LPP: variants seen among roughly 807,000 people sequenced by gnomAD.
LPP encodes the protein LIM domain containing preferred translocation partner in lipoma, also known as lipoma-preferred partner.
A neutral mutation model predicts 60.4 loss-of-function variants in LPP; 38 were observed. The observed-to-expected ratio is 0.63, with a 90% confidence interval of 0.49 to 0.83. LPP has a LOEUF of 0.83. LPP is among the 40% of genes least tolerant of loss of function. The probability of loss-of-function intolerance (pLI) is 0.00; values close to 1 mark genes in which losing one functional copy is unlikely to be tolerated. For synonymous variants in LPP, 328 were observed against 290.8 expected, an observed-to-expected ratio of 1.13 and a Z score of -1.30; for missense variants, 902 against 783.6, an observed-to-expected ratio of 1.15 and a Z score of -1.80.
At chr3:188,302,541 G>C (rs532910292) in intron 2 of LPP, among the ~76,000 whole-genome samples, 40 of 152,268 alleles carry the variant, frequency 2.6e-4, no homozygotes, top group Non-Finnish European at 4.0e-4. Flanking sequence ...CTTTACTTTA[G>C]TATTTGACAG....
chr3:188,753,966 C>G (rs898309013), intron 8 of LPP, among the ~76,000 whole-genome samples: 1 of 152,280 alleles, frequency 6.6e-6, no homozygotes, highest in Admixed American at 6.5e-5. Context: ...ATGATAAAAA[C>G]TCTTGTATTC....
chr3:188,816,354 A>C (rs1402070862), intron 9 of LPP, among the ~76,000 whole-genome samples: 1 of 151,526 alleles, frequency 6.6e-6, no homozygotes, highest in Non-Finnish European at 1.5e-5. Context: ...GGCGCCCACC[A>C]CCATGCCCGG....
At chr3:188,542,403 A>G (rs1825444121) in intron 6 of LPP, among the ~76,000 whole-genome samples, 1 of 152,180 alleles carries the variant, frequency 6.6e-6, no homozygotes, top group Non-Finnish European at 1.5e-5. Context: ...CAGCTAGGGT[A>G]AATATTGACT....
intron 8 of LPP, among the ~76,000 whole-genome samples, chr3:188,725,888 A>AT (rs767489072): frequency 4.6e-5 from 7 of 152,200 alleles, no homozygotes; most frequent in Non-Finnish European, 7.3e-5. Context: ...CAGGTAAGCC[A>AT]TGAATTCAAG....
chr3:188,691,588 T>C (rs1274685576), intron 7 of LPP, among the ~76,000 whole-genome samples: 1 of 152,226 alleles, frequency 6.6e-6, no homozygotes, highest in Non-Finnish European at 1.5e-5. Flanking sequence ...GTTTGGTTTA[T>C]TTGTTGCAAG....
chr3:188,244,142 A>T (rs1260388536), intron 2 of LPP, among the ~76,000 whole-genome samples: 3 of 152,192 alleles, frequency 2.0e-5, no homozygotes, highest in Admixed American at 2.0e-4. Context: ...AAGTTCTGGG[A>T]TTATAGAAGT....
intron 2 of LPP, among the ~76,000 whole-genome samples, chr3:188,243,331 A>G (rs1577504746): frequency 1.3e-5 from 2 of 152,280 alleles, no homozygotes; most frequent in South Asian, 2.1e-4. Context: ...CATGACTCAT[A>G]AAGGAAATCT....
intron 9 of LPP, among the ~76,000 whole-genome samples, chr3:188,861,482 T>C (rs922089422): frequency 3.9e-5 from 6 of 152,204 alleles, no homozygotes; most frequent in African/African-American, 1.4e-4. Flanking sequence ...CAATTACTTA[T>C]GTAAATGAAG....
chr3:188,255,651 A>G (rs1430244243), intron 2 of LPP, among the ~76,000 whole-genome samples: 1 of 152,218 alleles, frequency 6.6e-6, no homozygotes, highest in South Asian at 2.1e-4. Context: ...GGCTTTTGAT[A>G]CGTATGTAAT....
intron 1 of LPP, among the ~76,000 whole-genome samples, chr3:188,199,612 A>G (rs1730488856): frequency 6.6e-6 from 1 of 152,158 alleles, no homozygotes; most frequent in Non-Finnish European, 1.5e-5. Context: ...TTCATTGTAT[A>G]TGAATTAGCG....
chr3:188,874,263 C>A, intron 11 of LPP, 88 bp from the exon 12 acceptor site: 1 of 1,352,834 alleles, frequency 7.4e-7, no homozygotes. Context: ...TTATGGAGGC[C>A]TTGAATAGAA....
At chr3:188,543,262 A>G (rs1825697230) in intron 6 of LPP, among the ~76,000 whole-genome samples, 1 of 152,104 alleles carries the variant, frequency 6.6e-6, no homozygotes, top group Non-Finnish European at 1.5e-5. Context: ...CTTTCCCTTT[A>G]GTGATTTTCA....
Position 188,875,797 on chromosome 3 carries a change from T to TTGCC in LPP, c.*1319_*1322dup. 5.1e-6 allele frequency: 1 copy of TTGCC among 196,984 alleles called. No individual in the cohort carries two copies. Among genetic ancestry groups the TTGCC allele is most frequent in the Non-Finnish European group, 1.1e-5 (1 of 94,662 alleles). 12.2% of individuals were successfully genotyped at this position (196,984 alleles called of 1,614,324 possible). A position where few individuals can be genotyped will look rare whatever the true frequency, so the allele number is the denominator to read the frequency against. On this transcript the variant is annotated 3_prime_UTR_variant, in exon 12 of 12. Coordinates refer to ENST00000617246, the MANE Select transcript of LPP (RefSeq NM_001375462.1). ...TTTTATTAGCCAGTGAAACACTTGC[T>TTGCC]TGCCAACTGCCAAGCCATACTTATT...
intron 6 of LPP, among the ~76,000 whole-genome samples, chr3:188,527,334 G>C (rs1820888763): frequency 7.4e-6 from 1 of 135,180 alleles, no homozygotes; most frequent in African/African-American, 2.8e-5. Flanking sequence ...TGGGGACAGA[G>C]GGAGACTCCA....
intron 1 of LPP, among the ~76,000 whole-genome samples, chr3:188,203,516 AATAT>A (rs1287313349): frequency 7.8e-5 from 5 of 64,508 alleles, no homozygotes; most frequent in Non-Finnish European, 1.4e-4. Flanking sequence ...TATATATTTA[AATAT>A]ATATAAATAT....
chr3:188,476,660 G>A (rs551055165), intron 4 of LPP, among the ~76,000 whole-genome samples: 38 of 152,130 alleles, frequency 2.5e-4, no homozygotes, highest in South Asian at 1.7e-3. Context: ...TAATTTGTTA[G>A]CAACTTGAGT....
chr3:188,634,657 T>C (rs1189594345), intron 7 of LPP, among the ~76,000 whole-genome samples: 3 of 152,216 alleles, frequency 2.0e-5, no homozygotes, highest in East Asian at 1.9e-4. Flanking sequence ...GAACTGCACA[T>C]GCGAGGGATA....
intron 9 of LPP, among the ~76,000 whole-genome samples, chr3:188,836,960 CAT>C (rs1387476981): frequency 6.6e-6 from 1 of 152,156 alleles, no homozygotes; most frequent in Non-Finnish European, 1.5e-5. Flanking sequence ...ATATTTGCCT[CAT>C]TTATTGGCAG....
In LPP at chr3:188,666,682, C is replaced by T. The variant is rs910756198; in HGVS notation, c.1114-41585C>T. Among the ~76,000 whole-genome samples the T allele has an allele frequency of 7.9e-5, 12 of 152,300 alleles. No homozygotes were observed. The South Asian group carries it at 8.3e-4, about 11-fold the overall frequency. On this transcript the variant is annotated intron_variant, in intron 7 of 11. Transcript: ENST00000617246. ...TTATTCAACAGTCACTCATCAAATA[C>T]TTGTTGAATGCTTACTCGGTGCCAA... is the stretch of plus-strand genomic sequence containing the variant.
Sources: gnomAD v4.1 joint callset for allele counts (sites outside exome capture counted in the v4.1 genomes callset) on GRCh38, gnomAD v4.1.1 for gene constraint, MANE v1.5 for transcripts, NCBI Gene and HGNC (gene_info 2026-07-23, HGNC 2026-07-21) for gene names.